KRT28: variants seen among roughly 807,000 people sequenced by gnomAD.
KRT28 encodes keratin 28.
A neutral mutation model predicts 48.1 loss-of-function variants in KRT28; 45 were observed. The observed-to-expected ratio is 0.94, with a 90% CI of 0.74 to 1.20. The LOEUF (loss-of-function observed/expected upper bound fraction) is 1.20, where lower values mean the gene tolerates loss of function less well. KRT28 is among the 50% of genes most tolerant of loss of function. The pLI, the probability that KRT28 is intolerant of heterozygous loss-of-function variation, is 0.00. For missense variants in KRT28, 571 were observed against 574.1 expected (o/e 0.99, Z 0.06); for synonymous variants, 228 against 227.4 (o/e 1.00, Z -0.03).
intron 2 of KRT28, 43 bp downstream of exon 2, chr17:40,798,874 A>G (rs1052286861): frequency 1.6e-6 from 2 of 1,269,514 alleles, no homozygotes; most frequent in Non-Finnish European, 2.3e-6. Context: ...AATTAAATAA[A>G]TAGAAACTTT....
At chr17:40,793,096 T>C in intron 7 of KRT28, 59 bp downstream of exon 7, 4 of 1,188,826 alleles carry the variant, frequency 3.4e-6, no homozygotes, top group Non-Finnish European at 3.6e-6. Flanking sequence ...CGAGACTCTG[T>C]CTCAAAAAAA....
intron 7 of KRT28, among the ~76,000 whole-genome samples, chr17:40,792,776 A>G (rs1290995330): frequency 6.6e-6 from 1 of 152,208 alleles, no homozygotes; most frequent in East Asian, 1.9e-4. Flanking sequence ...CTACGGTTGT[A>G]GTGTATGACT....
At chr17:40,794,105 A>G (rs1394369938) in intron 5 of KRT28, 59 bp from the exon 6 acceptor site, 7 of 1,586,658 alleles carry the variant, frequency 4.4e-6, no homozygotes, top group Non-Finnish European at 6.0e-6. Context: ...CTAGTAGAAC[A>G]TTGTTTCTCA....
Position 40,799,895 on chromosome 17 carries a change from G to A in KRT28, c.-2C>T. The A allele has an allele frequency of 6.2e-7, 1 of 1,605,042 alleles. No homozygotes were observed. Among genetic ancestry groups the A allele is most frequent in the Non-Finnish European group, 8.5e-7 (1 of 1,175,994 alleles). On this transcript the variant is annotated 5_prime_UTR_variant, in exon 1 of 8. Transcript: ENST00000306658. ...TCCATTAGAAAATTGGAGAGACATG[G>A]TGTTTTGAGAAATGTTCACCTTGTC... is the stretch of plus-strand genomic sequence containing the variant.
At position 40,798,212 on chromosome 17, in the gene KRT28, A is replaced by T. The variant is rs752337580; in HGVS notation, c.690+23T>A. On this transcript the variant is annotated intron_variant, in intron 3 of 7. Transcript: ENST00000306658. ...TTAAAATGTACAGAGTTGTGATTGG[A>T]CTACAGGTAAAGCTTCTCCTACCTC... 5 of 1,588,790 alleles carry T rather than the reference A, an allele frequency of 3.1e-6. No homozygotes were observed. In the East Asian group the frequency reaches 1.1e-4, roughly 36 times the overall value.
chr17:40,797,059 A>G lies in KRT28; in HGVS notation c.853-18T>C. Reference sequence around the variant, plus strand: ...GAGGCGCTCTGTAGGGCCGGGAAAAAGGGTCACACGGAGTCCCCACCCCCG... The same window carrying G: ...GAGGCGCTCTGTAGGGCCGGGAAAAGGGGTCACACGGAGTCCCCACCCCCG... On this transcript the variant is annotated intron_variant, in intron 4 of 7. Transcript: ENST00000306658. The G allele has an allele frequency of 6.2e-7, 1 of 1,607,366 alleles. No homozygotes were observed. The highest frequency in any genetic ancestry group is 1.1e-5 in the South Asian group (1 of 90,246).
At chr17:40,797,361 A>G in intron 3 of KRT28, 80 bp from the exon 4 acceptor site, 1 of 1,417,400 alleles carries the variant, frequency 7.1e-7, no homozygotes, top group Non-Finnish European at 9.6e-7. Flanking sequence ...GTGTTACTTT[A>G]TGTCTCAAAG....
intron 1 of KRT28, 136 bp downstream of exon 1, chr17:40,799,308 A>G (rs1401089494): frequency 2.6e-6 from 2 of 755,832 alleles, no homozygotes; most frequent in Non-Finnish European, 4.1e-6. Context: ...CCATTTTTGA[A>G]TAGTAGGAAG....
Position 40,792,395 on chromosome 17 carries a change from T to G in KRT28, c.*32A>C. ...GAATAATGCAATTGTACAGGATCCTTTCCCAAATTATTCTTTTCTCTAAAA... is the reference window on the plus strand; with the variant it reads ...GAATAATGCAATTGTACAGGATCCTGTCCCAAATTATTCTTTTCTCTAAAA... On this transcript the variant is annotated 3_prime_UTR_variant, in exon 8 of 8. Coordinates refer to ENST00000306658, the MANE Select transcript of KRT28 (RefSeq NM_181535.3). 6.3e-7 allele frequency: 1 copy of G among 1,580,052 alleles called. No individual in the cohort carries two copies. The highest frequency in any genetic ancestry group is 8.6e-7 in the Non-Finnish European group (1 of 1,157,800).
rs1185134499 is a variant in KRT28, at chr17:40,793,195, T to C, written c.1212A>G (p.Ser404=). The change falls in exon 7 of 8, where the codon TCA becomes TCG. Residue 404 remains serine (S), a synonymous_variant. Coordinates refer to ENST00000306658, the MANE Select transcript of KRT28 (RefSeq NM_181535.3). ...CAGGGCTTCCTGATCCAAAGCCCTTTGATTTGGAGCATGAACTGTAAAAGA... is the reference window on the plus strand; with the variant it reads ...CAGGGCTTCCTGATCCAAAGCCCTTCGATTTGGAGCATGAACTGTAAAAGA... ...IDGDGNSCSK[S]KGFGSGSPGN... 1 of 1,564,392 alleles carries C rather than the reference T, an allele frequency of 6.4e-7. No homozygotes were observed.
chr17:40,799,145 T>A (rs1007575741), intron 1 of KRT28, 146 bp from the exon 2 acceptor site: 2 of 581,190 alleles, frequency 3.4e-6, no homozygotes, highest in Non-Finnish European at 5.9e-6. Context: ...GTTTAACTTT[T>A]AAAAATTAAA....
rs1226788767 is a variant in KRT28 at position 40,792,205 on chromosome 17, CAAAT to C, written c.*218_*221del. 3.4e-5 allele frequency: 13 copies of C among 377,990 alleles called. No individual in the cohort carries two copies. Among genetic ancestry groups the C allele is most frequent in the East Asian group, 8.4e-5 (2 of 23,672 alleles). The allele number at this position is 377,990 out of a possible 1,614,324, so 23.4% of individuals were successfully genotyped here. A position where few individuals can be genotyped will look rare whatever the true frequency, so the allele number is the denominator to read the frequency against. ...ATGAATGAGACATAGAAAAAAATCACAAATAGTTATTTATTAGTCATCAGTGAAT... is the reference window on the plus strand; with the variant it reads ...ATGAATGAGACATAGAAAAAAATCACAGTTATTTATTAGTCATCAGTGAAT... On this transcript the variant is annotated 3_prime_UTR_variant, in exon 8 of 8. Transcript: ENST00000306658.
intron 2 of KRT28, among the ~76,000 whole-genome samples, 171 bp downstream of exon 2, chr17:40,798,746 G>A (rs903616800): frequency 9.2e-5 from 14 of 152,162 alleles, no homozygotes; most frequent in Non-Finnish European, 1.2e-4. Context: ...TTTTGTCCCA[G>A]GAATATAATA....
chr17:40,794,078 T>G (rs1376876643), intron 5 of KRT28, 32 bp from the exon 6 acceptor site: 1 of 1,611,430 alleles, frequency 6.2e-7, no homozygotes. Context: ...TGGCAAGGGA[T>G]GAAAACACTC....
intron 6 of KRT28, 73 bp downstream of exon 6, chr17:40,793,756 G>A: frequency 7.0e-7 from 1 of 1,426,052 alleles, no homozygotes; most frequent in East Asian, 2.3e-5. Flanking sequence ...TTGGAAGTAT[G>A]GAAGGCTAAT....
intron 3 of KRT28, among the ~76,000 whole-genome samples, chr17:40,797,867 G>A (rs903207935): frequency 6.6e-6 from 1 of 152,158 alleles, no homozygotes; most frequent in Non-Finnish European, 1.5e-5. Flanking sequence ...AAATGAGAAA[G>A]GGATTTAAAG....
rs747950716 is a variant in KRT28 at position 40,797,277 on chromosome 17, A to T, written c.695T>A (p.Met232Lys). The T allele has an allele frequency of 6.2e-7, 1 of 1,613,292 alleles. No homozygotes were observed. The highest frequency in any genetic ancestry group is 1.7e-5 in the Admixed American group (1 of 59,960). Residue 232 changes from methionine (M) to lysine (K), a missense_variant, in exon 4 of 8, where the codon ATG becomes AAG. Physicochemically the swap from Met to Lys is moderately conservative, Grantham distance 95. Coordinates refer to ENST00000306658, the MANE Select transcript of KRT28 (RefSeq NM_181535.3). ...TYLKKNHEEE[M>K]KALQCAAGGN... is the part of the protein sequence containing the mutation. ...CCCAGCCGCGCACTGCAGAGCCTTC[A>T]TCTCCTGGAGAGAAGCAAGAGTGTG...
At chr17:40,793,231 AT>A in intron 6 of KRT28, 21 bp from the exon 7 acceptor site, 1 of 1,425,708 alleles carries the variant, frequency 7.0e-7, no homozygotes, top group Non-Finnish European at 9.4e-7. Context: ...AATATAGTTT[AT>A]TCTTTTATAT....
At chr17:40,798,885 T>C in intron 2 of KRT28, 32 bp downstream of exon 2, 2 of 1,427,622 alleles carry the variant, frequency 1.4e-6, no homozygotes, top group Non-Finnish European at 2.0e-6. Context: ...TAGAAACTTT[T>C]TTCTAGAGCA....
Sources: gnomAD v4.1 joint callset for allele counts (sites outside exome capture counted in the v4.1 genomes callset) on GRCh38, gnomAD v4.1.1 for gene constraint, MANE v1.5 for transcripts, NCBI Gene and HGNC (gene_info 2026-07-23, HGNC 2026-07-21) for gene names.